The following CNTRL variants were observed in gnomAD, a reference collection of about 807,000 sequenced individuals.
The protein encoded by CNTRL is centriolin.
CNTRL carries 233 observed loss-of-function variants against 303.7 expected under a neutral mutation model. The observed-to-expected ratio is 0.77, with a 90% confidence interval of 0.69 to 0.86. CNTRL has a LOEUF of 0.86. Among genes scored for constraint, CNTRL ranks in the 40% least tolerant of loss-of-function variants. The pLI is 0.00. For synonymous variants in CNTRL, 900 were observed against 922.2 expected, an observed-to-expected ratio of 0.98 and a Z score of 0.44; for missense variants, 2,524 against 2,650.6, an observed-to-expected ratio of 0.95 and a Z score of 1.05.
Position 121,162,282 on chromosome 9 carries a change from G to T in CNTRL, c.5423+11G>T. 6.2e-7 allele frequency: 1 copy of T among 1,605,974 alleles called. No individual in the cohort carries two copies. Among genetic ancestry groups the T allele is most frequent in the South Asian group, 1.1e-5 (1 of 90,800 alleles). On this transcript the variant is annotated intron_variant, in intron 34 of 43. Coordinates refer to ENST00000373855, the MANE Select transcript of CNTRL (RefSeq NM_007018.6). ...GGCACAAACCAAAAGGTGAGAGCAAGAACAAATAAGCTTGCAGGATCACTT... is the reference window on the plus strand; with the variant it reads ...GGCACAAACCAAAAGGTGAGAGCAATAACAAATAAGCTTGCAGGATCACTT...
intron 31 of CNTRL, among the ~76,000 whole-genome samples, chr9:121,159,855 C>A (rs1341266801): frequency 6.6e-6 from 1 of 152,134 alleles, no homozygotes; most frequent in Non-Finnish European, 1.5e-5. Flanking sequence ...GTACTAAGCC[C>A]CTCCAGAGCA....
intron 13 of CNTRL, 113 bp from the exon 14 acceptor site, chr9:121,125,603 G>T: frequency 1.1e-6 from 1 of 912,812 alleles, no homozygotes; most frequent in Non-Finnish European, 1.7e-6. Flanking sequence ...AAAGAAAAAT[G>T]ATAGGAAAGA....
intron 14 of CNTRL, among the ~76,000 whole-genome samples, chr9:121,127,236 T>C (rs1357650807): frequency 6.6e-6 from 1 of 152,164 alleles, no homozygotes; most frequent in Non-Finnish European, 1.5e-5. Context: ...ATTCCTTCTC[T>C]TTTTGGGGTG....
chr9:121,100,743 A>C (rs1490967805), intron 7 of CNTRL, among the ~76,000 whole-genome samples: 1 of 152,232 alleles, frequency 6.6e-6, no homozygotes, highest in Non-Finnish European at 1.5e-5. Context: ...AAGCAAAAAA[A>C]GGCAGGGGTT....
chr9:121,124,085 G>GT lies in CNTRL; in HGVS notation c.1804+2dup, dbSNP rs771157775. 74 of 1,599,210 alleles carry GT rather than the reference G, an allele frequency of 4.6e-5. No individual in the cohort carries two copies. Among genetic ancestry groups the GT allele is most frequent in the Non-Finnish European group, 6.0e-5 (70 of 1,175,200 alleles). Reference sequence around the variant, plus strand: ...GACCTTGAAGAACAGCTTACTGAAGGTAAGACTTTCAGTATGATTTAAGGT... The same window carrying GT: ...GACCTTGAAGAACAGCTTACTGAAGGTTAAGACTTTCAGTATGATTTAAGGT... On this transcript the variant is annotated splice_donor_variant, in intron 13 of 43. Transcript: ENST00000373855. LOFTEE classifies it high-confidence loss of function.
chr9:121,095,879 G>A (rs1312871575), intron 5 of CNTRL, among the ~76,000 whole-genome samples: 1 of 152,094 alleles, frequency 6.6e-6, no homozygotes, highest in Non-Finnish European at 1.5e-5. Flanking sequence ...AGTGACTTGG[G>A]AAAAACCTTC....
At chr9:121,098,673 A>G (rs1483786765) in intron 7 of CNTRL, 101 bp downstream of exon 7, 1 of 776,750 alleles carries the variant, frequency 1.3e-6, no homozygotes, top group African/African-American at 1.8e-5. Flanking sequence ...TGCTATTAAA[A>G]TGTACATGGG....
At chr9:121,151,018 A>T (rs2052210463) in intron 25 of CNTRL, among the ~76,000 whole-genome samples, 1 of 152,234 alleles carries the variant, frequency 6.6e-6, no homozygotes, top group Non-Finnish European at 1.5e-5. Context: ...AGGTATGGAC[A>T]GCATACAGTA....
chr9:121,108,857 G>A (rs755868974), intron 8 of CNTRL, among the ~76,000 whole-genome samples: 20 of 152,034 alleles, frequency 1.3e-4, no homozygotes, highest in Non-Finnish European at 2.6e-4. Context: ...ACTGTATTTA[G>A]CAGAAATGAA....
At chr9:121,146,665 A>C (rs2051877023) in intron 23 of CNTRL, among the ~76,000 whole-genome samples, 1 of 152,244 alleles carries the variant, frequency 6.6e-6, no homozygotes, top group South Asian at 2.1e-4. Flanking sequence ...CATCACAATG[A>C]ATGGTAAAGC....
rs939972067 is a variant in CNTRL, at chr9:121,075,055, C to T, written c.-217C>T. ...CCTCAGCCTGCGGGACTGCTCGGCT[C>T]GGCTTCTAGGCGGTGAGCGTCAGAC... On this transcript the variant is annotated 5_prime_UTR_variant, in exon 1 of 44. Transcript: ENST00000373855. 9.1e-5 allele frequency: 39 copies of T among 426,866 alleles called. No individual in the cohort carries two copies. The highest frequency in any genetic ancestry group is 1.5e-4 in the Non-Finnish European group (31 of 208,878). The allele number at this position is 426,866 out of a possible 1,614,324, so 26.4% of individuals were successfully genotyped here. A position where few individuals can be genotyped will look rare whatever the true frequency, so the allele number is the denominator to read the frequency against.
At chr9:121,151,387 C>CTTTT (rs71370632) in intron 25 of CNTRL, among the ~76,000 whole-genome samples, 47 of 90,432 alleles carry the variant, frequency 5.2e-4, no homozygotes, top group African/African-American at 1.1e-3. Flanking sequence ...TTTTCTTCTT[C>CTTTT]TTTTTTTTTT....
At chr9:121,126,427 T>C (rs895236678) in intron 14 of CNTRL, among the ~76,000 whole-genome samples, 1 of 152,220 alleles carries the variant, frequency 6.6e-6, no homozygotes, top group South Asian at 2.1e-4. Context: ...TTTAGTTGTT[T>C]GGAAAATGTT....
chr9:121,155,943 G>A (rs1299058781), intron 27 of CNTRL, among the ~76,000 whole-genome samples: 2 of 152,130 alleles, frequency 1.3e-5, no homozygotes, highest in Non-Finnish European at 2.9e-5. Flanking sequence ...TAAATTAAAA[G>A]CAGTCTATTA....
At chr9:121,090,488 G>A (rs962801138) in intron 4 of CNTRL, 83 bp downstream of exon 4, 13 of 1,301,022 alleles carry the variant, frequency 1.0e-5, no homozygotes, top group Non-Finnish European at 3.1e-6. Context: ...TTATCCTAAT[G>A]TCACCTAATT....
chr9:121,102,578 T>C (rs1345567941), intron 7 of CNTRL, among the ~76,000 whole-genome samples: 1 of 152,180 alleles, frequency 6.6e-6, no homozygotes, highest in Non-Finnish European at 1.5e-5. Context: ...AAATAAAGGA[T>C]GTTCACTTAG....
chr9:121,158,426 C>T (rs1169763099), intron 30 of CNTRL, among the ~76,000 whole-genome samples: 1 of 151,716 alleles, frequency 6.6e-6, no homozygotes, highest in Non-Finnish European at 1.5e-5. Context: ...TGTTGTCTTC[C>T]TTTTGCATAT....
At chr9:121,153,129 C>A (rs2052374306) in intron 26 of CNTRL, among the ~76,000 whole-genome samples, 1 of 152,158 alleles carries the variant, frequency 6.6e-6, no homozygotes, top group Admixed American at 6.5e-5. Flanking sequence ...TGGTCCCTTT[C>A]TGTCATCTCC....
chr9:121,101,648 C>T (rs1004920662), intron 7 of CNTRL, among the ~76,000 whole-genome samples: 1 of 151,806 alleles, frequency 6.6e-6, no homozygotes, highest in Non-Finnish European at 1.5e-5. Context: ...ATAGGTAGAC[C>T]CCTAGCAAGA....
Sources: allele counts gnomAD v4.1 joint callset (sites outside exome capture counted in the v4.1 genomes callset), GRCh38; gene constraint gnomAD v4.1.1; transcripts MANE v1.5; gene names NCBI Gene and HGNC (gene_info 2026-07-23, HGNC 2026-07-21).